Variants in FBN3 observed in about 807,000 individuals in gnomAD.
The protein encoded by FBN3 is fibrillin 3, also known as fibrillin-3.
FBN3 carries 234 observed loss-of-function variants against 330.1 expected under a neutral mutation model. The observed-to-expected ratio is 0.71, with a 90% CI of 0.64 to 0.79. The LOEUF is 0.79. FBN3 is among the 30% of genes least tolerant of loss of function. The probability of loss-of-function intolerance (pLI) is 0.00; values close to 1 mark genes in which losing one functional copy is unlikely to be tolerated. For missense variants in FBN3, 3,606 were observed against 3,886.9 expected (o/e 0.93, Z 1.92); for synonymous variants, 1,458 against 1,517.3 (o/e 0.96, Z 0.91).
chr19:8,085,469 C>CT lies in FBN3; in HGVS notation c.6980_6981insA (p.Gly2329TrpfsTer32). On this transcript the variant is annotated frameshift_variant, in exon 56 of 64. Transcript: ENST00000600128. LOFTEE classifies it high-confidence loss of function. ...AGCGGGGCCCCCAGCCCCGGCCACC[C>CT]CCACAGCAGCACTCGGCCCTGGTGA... 6.3e-7 allele frequency: 1 copy of CT among 1,585,874 alleles called. No homozygotes were observed. The highest frequency in any genetic ancestry group is 1.3e-5 in the African/African-American group (1 of 74,466).
Position 8,073,254 on chromosome 19 carries a change from G to T in FBN3, c.7746C>A (p.Ala2582=), listed in dbSNP as rs768386163. 3.1e-6 allele frequency: 5 copies of T among 1,613,936 alleles called. No individual in the cohort carries two copies. In the East Asian group the frequency reaches 1.1e-4, roughly 36 times the overall value. ...AGCCACCAAGAGTGTTGCGACAGGAGGCGCTCCCGCAGGTGGGGGGCGACA... is the reference window on the plus strand; with the variant it reads ...AGCCACCAAGAGTGTTGCGACAGGATGCGCTCCCGCAGGTGGGGGGCGACA... ...CALSPPTCGS[A]SCRNTLGGFR... The change falls in exon 62 of 64, where the codon GCC becomes GCA. Residue 2582 remains alanine, a synonymous_variant. Transcript: ENST00000600128.
intron 41 of FBN3, among the ~76,000 whole-genome samples, chr19:8,099,633 C>G (rs2082285596): frequency 6.6e-6 from 1 of 151,712 alleles, no homozygotes; most frequent in African/African-American, 2.4e-5. Context: ...AGGATTAAAA[C>G]AAATGAAAAT....
At chr19:8,112,723 C>A (rs1013750366) in intron 30 of FBN3, among the ~76,000 whole-genome samples, 5 of 152,216 alleles carry the variant, frequency 3.3e-5, no homozygotes, top group Non-Finnish European at 7.3e-5. Flanking sequence ...GCCAGGATTT[C>A]CCTGTCCACC....
At chr19:8,142,855 C>T (rs2083445617) in intron 6 of FBN3, among the ~76,000 whole-genome samples, 1 of 149,066 alleles carries the variant, frequency 6.7e-6, no homozygotes, top group African/African-American at 2.5e-5. Flanking sequence ...TGGCAGCTCC[C>T]CCACTCCCCC....
chr19:8,085,698 T>C, intron 55 of FBN3, 129 bp from the exon 56 acceptor site: 1 of 663,724 alleles, frequency 1.5e-6, no homozygotes. Flanking sequence ...GGGAGTTGGA[T>C]ACACAGGACA....
In FBN3 at chr19:8,070,996, T is replaced by C. The variant is rs143926151; in HGVS notation, c.8088+1052A>G. ...GAGATCACGCCATTGCATTCCAGCC[T>C]GGGCAACAAGAGTGAGACTCTGTCT... is the stretch of plus-strand genomic sequence containing the variant. On this transcript the variant is annotated intron_variant, in intron 63 of 63. Transcript: ENST00000600128. Among the ~76,000 whole-genome samples, 1,108 of 141,356 alleles carry C rather than the reference T, an allele frequency of 7.8e-3. 10 individuals carry two copies. Among genetic ancestry groups the C allele is most frequent in the Middle Eastern group, 0.013 (3 of 232 alleles). 92.7% of individuals were successfully genotyped at this position (141,356 alleles called of 152,430 possible). A position where few individuals can be genotyped will look rare whatever the true frequency, so the allele number is the denominator to read the frequency against.
At chr19:8,148,241 C>T (rs2083596996) in intron 1 of FBN3, among the ~76,000 whole-genome samples, 1 of 152,124 alleles carries the variant, frequency 6.6e-6, no homozygotes, top group South Asian at 2.1e-4. Context: ...AGCCGCAAGA[C>T]CCTTTTCTAA....
chr19:8,095,712 C>G (rs1249136367), intron 45 of FBN3, among the ~76,000 whole-genome samples: 1 of 152,178 alleles, frequency 6.6e-6, no homozygotes. Flanking sequence ...ATGAATTTGC[C>G]TCTAAGTGCC....
Position 8,079,086 on chromosome 19 carries a change from A to G in FBN3, c.7453+1917T>C, listed in dbSNP as rs544880599. 2.0e-5 allele frequency among the ~76,000 whole-genome samples: 3 copies of G among 152,106 alleles called. No individual in the cohort carries two copies. The East Asian group carries it at 5.8e-4, about 29-fold the overall frequency. On this transcript the variant is annotated intron_variant, in intron 59 of 63. Transcript: ENST00000600128. The stretch of plus-strand genomic sequence containing the variant: ...CCCAGCCAAATGTTCTCTTTTGGTG[A>G]TACTTGACCTGATCCCTCTCTTAAA...
rs2083000030 is a variant in FBN3, at chr19:8,126,805, C to T, written c.2324G>A (p.Cys775Tyr). 1 of 1,581,874 alleles carries T rather than the reference C, an allele frequency of 6.3e-7. No homozygotes were observed. Among genetic ancestry groups the T allele is most frequent in the Non-Finnish European group, 8.6e-7 (1 of 1,167,302 alleles). ...CAGGTTCCGACAGACGCCACTCACA[C>T]ACGGGCTGGACAGGCATTCGTCGAC... ...KDVDECLSSPCVSGVCRNLAG... is the reference protein window; with the variant it reads ...KDVDECLSSPYVSGVCRNLAG... The change falls in exon 19 of 64, where the codon TGT (cysteine) becomes TAT (tyrosine). Residue 775 changes from cysteine (C) to tyrosine (Y), a missense_variant. Coordinates refer to ENST00000600128, the MANE Select transcript of FBN3 (RefSeq NM_032447.5).
At chr19:8,086,916 T>C (rs79284843) in intron 54 of FBN3, among the ~76,000 whole-genome samples, 161 bp downstream of exon 54, 11,857 of 151,566 alleles carry the variant, frequency 0.078, 611 homozygotes, top group Middle Eastern at 0.12. Context: ...CTCCCATTCA[T>C]TGAAGCCTCA....
Position 8,132,882 on chromosome 19 carries a change from T to G in FBN3, c.1714+102A>C, listed in dbSNP as rs572778688. 31 of 1,311,102 alleles carry G rather than the reference T, an allele frequency of 2.4e-5. No individual in the cohort carries two copies. The African/African-American group carries it at 3.5e-4, about 15-fold the overall frequency. 81.2% of individuals were successfully genotyped at this position (1,311,102 alleles called of 1,614,324 possible). A position where few individuals can be genotyped will look rare whatever the true frequency, so the allele number is the denominator to read the frequency against. ...TGCCCCTTCTCTTCTCCTTCTCTCA[T>G]GCTCGTCCCATCCCCGTCCGGTCCC... On this transcript the variant is annotated intron_variant, in intron 14 of 63. Coordinates refer to ENST00000600128, the MANE Select transcript of FBN3 (RefSeq NM_032447.5).
At position 8,147,365 on chromosome 19, in the gene FBN3, G is replaced by A. The variant is rs1383821636; in HGVS notation, c.116C>T (p.Ala39Val). The stretch of plus-strand genomic sequence containing the variant: ...CCTCCGCACACGTCCAGGACCTGCA[G>A]CCTCCAAGGCCCCGTCCCAGCGGCC... ...GQGRWDGALEAAGPGRVRRRG... is the reference protein window; with the variant it reads ...GQGRWDGALEVAGPGRVRRRG... Residue 39 changes from alanine (A) to valine (V), a missense_variant, in exon 2 of 64, where the codon GCT becomes GTT. Physicochemically the swap from Ala to Val is moderately conservative, Grantham distance 64. Transcript: ENST00000600128. The A allele has an allele frequency of 6.2e-7, 1 of 1,601,676 alleles. No individual in the cohort carries two copies. The highest frequency in any genetic ancestry group is 1.7e-5 in the Admixed American group (1 of 58,542).
At position 8,106,176 on chromosome 19, in the gene FBN3, G is replaced by C; in HGVS notation, c.4745C>G (p.Thr1582Arg). 1.2e-6 allele frequency: 2 copies of C among 1,614,126 alleles called. No individual in the cohort carries two copies. Among genetic ancestry groups the C allele is most frequent in the Non-Finnish European group, 1.7e-6 (2 of 1,179,978 alleles). ...GCACTCACACTGGAAACTGCCAAAC[G>C]TGTTGACGCAGTCACCCCCCTGACA... ...GLCQGGDCVN[T>R]FGSFQCECPP... The change falls in exon 38 of 64, where the codon ACG becomes AGG. Residue 1582 changes from threonine to arginine, a missense_variant. By Grantham distance (71) the Thr-to-Arg change is moderately conservative. Transcript: ENST00000600128.
Position 8,134,387 on chromosome 19 carries a change from A to C in FBN3, c.1592-1281T>G, listed in dbSNP as rs894329927. Among the ~76,000 whole-genome samples, 6 of 152,348 alleles carry C rather than the reference A, an allele frequency of 3.9e-5. No individual in the cohort carries two copies. The East Asian group carries it at 5.8e-4, about 15-fold the overall frequency. On this transcript the variant is annotated intron_variant, in intron 13 of 63. Transcript: ENST00000600128. Reference sequence around the variant, plus strand: ...TGAATGGATCGACACACTGTGGTCTATTCATGTAATGGAACATTATTCGGC... The same window carrying C: ...TGAATGGATCGACACACTGTGGTCTCTTCATGTAATGGAACATTATTCGGC...
chr19:8,076,899 C>G (rs1599271057), intron 59 of FBN3, among the ~76,000 whole-genome samples: 1 of 152,070 alleles, frequency 6.6e-6, no homozygotes, highest in East Asian at 1.9e-4. Flanking sequence ...GTAGCTGGGA[C>G]TACAGGTGCA....
In FBN3 at chr19:8,110,933, T is replaced by C. The variant is rs2144822592; in HGVS notation, c.4245A>G (p.Ala1415=). Residue 1415 remains alanine (A), a synonymous_variant, in exon 34 of 64, where the codon GCA becomes GCG. Coordinates refer to ENST00000600128, the MANE Select transcript of FBN3 (RefSeq NM_032447.5). The part of the protein sequence containing the change: ...VDECAQGNLC[A]FGSCENLPGM... ...CAGGCAGGTTCTCACAGCTCCCAAA[T>C]GCACAGAGGTTCCCTTGCGCACACT... 2 of 1,614,198 alleles carry C rather than the reference T, an allele frequency of 1.2e-6. No individual in the cohort carries two copies. Among genetic ancestry groups the C allele is most frequent in the Non-Finnish European group, 1.7e-6 (2 of 1,180,032 alleles).
In FBN3 at chr19:8,096,540, C is replaced by T; in HGVS notation, c.5443G>A (p.Val1815Ile). Residue 1815 changes from valine (V) to isoleucine (I), a missense_variant, in exon 44 of 64, where the codon GTC becomes ATC. Transcript: ENST00000600128. The surrounding 1 kb of genome is among the most constrained non-coding windows in gnomAD (Gnocchi z 4.6). ...GRNECREIPN[V>I]CSHGDCMDTE... is the part of the protein sequence containing the mutation. ...TCCATGCAGTCACCATGGCTACAGACATTCGGGATCTCCCGACACTCATTC... is the reference window on the plus strand; with the variant it reads ...TCCATGCAGTCACCATGGCTACAGATATTCGGGATCTCCCGACACTCATTC... 1 of 1,613,558 alleles carries T rather than the reference C, an allele frequency of 6.2e-7. No individual in the cohort carries two copies. The highest frequency in any genetic ancestry group is 8.5e-7 in the Non-Finnish European group (1 of 1,179,908).
chr19:8,084,591 T>G (rs28525575), intron 56 of FBN3, among the ~76,000 whole-genome samples: 76,627 of 151,530 alleles, frequency 0.51, 19,860 homozygotes, highest in African/African-American at 0.58. Context: ...TTATTTTTAT[T>G]TATTTATTTT....
Sources: gnomAD v4.1 joint callset for allele counts (sites outside exome capture counted in the v4.1 genomes callset) on GRCh38, gnomAD v4.1.1 for gene constraint, Gnocchi (gnomAD v3.1) non-coding constraint, MANE v1.5 for transcripts, NCBI Gene and HGNC (gene_info 2026-07-23, HGNC 2026-07-21) for gene names.